The following ANK3 variants were observed in gnomAD, a reference collection of about 807,000 sequenced individuals.
ANK3 encodes the protein ankyrin 3.
In ANK3, 57 loss-of-function variants were observed where a neutral mutation model predicts 370.9. The ratio of observed to expected loss-of-function variants is 0.15; its 90% confidence interval spans 0.12 to 0.19. ANK3 has a LOEUF of 0.19. Ranked by LOEUF, ANK3 falls within the 10% of genes least tolerant of loss-of-function variation. ANK3 has a pLI of 1.00. For missense variants in ANK3, 4,439 were observed against 5,302.1 expected, an observed-to-expected ratio of 0.84 and a Z score of 5.06; for synonymous variants, 1,929 against 1,946.3, an observed-to-expected ratio of 0.99 and a Z score of 0.23.
At chr10:60,144,908 G>A (rs2094741285) in intron 23 of ANK3, among the ~76,000 whole-genome samples, 1 of 152,016 alleles carries the variant, frequency 6.6e-6, no homozygotes, top group Non-Finnish European at 1.5e-5. Context: ...ATAGTTATTG[G>A]CCTAATATTT....
chr10:60,692,629 C>A (rs959914083), intron 1 of ANK3, among the ~76,000 whole-genome samples: 6 of 152,118 alleles, frequency 3.9e-5, no homozygotes, highest in African/African-American at 1.4e-4. Context: ...GGTATAACAA[C>A]CACTGGGACT....
intron 7 of ANK3, among the ~76,000 whole-genome samples, chr10:60,242,209 T>C (rs975266197): frequency 1.3e-5 from 2 of 152,160 alleles, no homozygotes; most frequent in Non-Finnish European, 2.9e-5. Context: ...TTAGAAAAGA[T>C]TTTGCCTTCT....
chr10:60,674,042 G>A (rs1055516580), intron 1 of ANK3, among the ~76,000 whole-genome samples: 12 of 152,050 alleles, frequency 7.9e-5, no homozygotes, highest in Non-Finnish European at 1.6e-4. Flanking sequence ...TAAATGTTTA[G>A]TAGCCTTCCT....
At chr10:60,345,209 T>C (rs958566854) in intron 1 of ANK3, among the ~76,000 whole-genome samples, 6 of 152,326 alleles carry the variant, frequency 3.9e-5, no homozygotes, top group Admixed American at 2.6e-4. Flanking sequence ...ATTAACATTT[T>C]GAAAATAAGC....
At chr10:60,089,484 T>A (rs2132031359) in intron 28 of ANK3, among the ~76,000 whole-genome samples, 1 of 150,688 alleles carries the variant, frequency 6.6e-6, no homozygotes, top group Non-Finnish European at 1.5e-5. Flanking sequence ...TGTGTGTGTG[T>A]GTGTGTGTGT....
rs2083291048 is a variant in ANK3 at position 60,074,049 on chromosome 10, T to G, written c.6832A>C (p.Lys2278Gln). ...EETMSVHDIMKAFQSGRDPSK... is the reference protein window; with the variant it reads ...EETMSVHDIMQAFQSGRDPSK... The stretch of plus-strand genomic sequence containing the variant: ...GGATCCCGCCCGGACTGAAAGGCCT[T>G]CATGATGTCATGGACTGACATGGTT... The change falls in exon 37 of 44, where the codon AAG becomes CAG. Residue 2278 changes from lysine to glutamine, a missense_variant. Coordinates refer to ENST00000280772, the MANE Select transcript of ANK3 (RefSeq NM_020987.5). 1 of 1,614,102 alleles carries G rather than the reference T, an allele frequency of 6.2e-7. No individual in the cohort carries two copies. Among genetic ancestry groups the G allele is most frequent in the East Asian group, 2.2e-5 (1 of 44,854 alleles).
intron 37 of ANK3, 57 bp downstream of exon 37, chr10:60,068,580 C>G: frequency 6.6e-7 from 1 of 1,514,360 alleles, no homozygotes; most frequent in South Asian, 1.3e-5. Flanking sequence ...ACAAACTATG[C>G]TCGTTCTCCA....
At chr10:60,389,885 G>A (rs551924291), upstream of ANK3, 21 of 983,252 alleles carry the variant, frequency 2.1e-5, no homozygotes, top group Middle Eastern at 5.2e-4. Flanking sequence ...GTGATTCCTC[G>A]GAAGGGGGAA....
In ANK3 at chr10:60,070,861, G is replaced by A. The variant is rs750349884; in HGVS notation, c.10020C>T (p.Asp3340=). ...KKYTFKLKEV[D]DEQKEKPKAS... ...CTTTGGGTTTTTCTTTTTGTTCATC[G>A]TCCACTTCCTTTAATTTGAAGGTAT... is the stretch of plus-strand genomic sequence containing the variant. Residue 3340 remains aspartate (D), a synonymous_variant, in exon 37 of 44, where the codon GAC becomes GAT. Coordinates refer to ENST00000280772, the MANE Select transcript of ANK3 (RefSeq NM_020987.5). This position sits in a 1 kb window ranked among gnomAD's most constrained non-coding sequence, Gnocchi z 5.7. 82 of 1,613,842 alleles carry A rather than the reference G, an allele frequency of 5.1e-5. No individual in the cohort carries two copies. Among genetic ancestry groups the A allele is most frequent in the Non-Finnish European group, 5.6e-5 (66 of 1,180,000 alleles).
chr10:60,153,607 T>G (rs902068542), intron 23 of ANK3, among the ~76,000 whole-genome samples: 7 of 152,140 alleles, frequency 4.6e-5, no homozygotes, highest in African/African-American at 1.7e-4. Flanking sequence ...AGAACCTAAA[T>G]GAAAATGTAC....
Position 60,359,178 on chromosome 10 carries a change from T to C in ANK3, c.114+30247A>G, listed in dbSNP as rs2058241061. Among the ~76,000 whole-genome samples the C allele has an allele frequency of 2.0e-5, 3 of 152,088 alleles. No individual in the cohort carries two copies. In the South Asian group the frequency reaches 6.2e-4, roughly 32 times the overall value. ...TGCTCAAGGAATGCCTGATGTCTGC[T>C]TGCATGCCATGTCTACATACATGGT... On this transcript the variant is annotated intron_variant, in intron 1 of 43. Transcript: ENST00000280772.
At chr10:60,639,233 T>C (rs2078596159) in intron 1 of ANK3, among the ~76,000 whole-genome samples, 1 of 151,406 alleles carries the variant, frequency 6.6e-6, no homozygotes, top group African/African-American at 2.4e-5. Flanking sequence ...TTCAAAGTTC[T>C]GAAAGAAGAG....
intron 8 of ANK3, among the ~76,000 whole-genome samples, chr10:60,214,371 CT>C (rs1177733357): frequency 6.6e-6 from 1 of 151,778 alleles, no homozygotes; most frequent in Non-Finnish European, 1.5e-5. Context: ...CTTTTTTTGT[CT>C]TTAAAATCTT....
chr10:60,428,229 CA>C (rs2063933203), intron 2 of ANK3, among the ~76,000 whole-genome samples: 1 of 152,158 alleles, frequency 6.6e-6, no homozygotes, highest in Admixed American at 6.5e-5. Flanking sequence ...ACATGAAGTT[CA>C]AACAATGAGG....
chr10:60,701,321 A>C (rs922371842), intron 1 of ANK3, among the ~76,000 whole-genome samples: 1 of 152,182 alleles, frequency 6.6e-6, no homozygotes, highest in East Asian at 1.9e-4. Context: ...AATGAAAGGG[A>C]ATTTGGCAAT....
At chr10:60,371,585 A>C (rs2060119586) in intron 1 of ANK3, among the ~76,000 whole-genome samples, 1 of 152,202 alleles carries the variant, frequency 6.6e-6, no homozygotes, top group Non-Finnish European at 1.5e-5. Context: ...CACTACAACA[A>C]ATACTCAAAT....
chr10:60,075,420 T>C lies in ANK3; in HGVS notation c.5461A>G (p.Thr1821Ala), dbSNP rs1363066240. Residue 1821 changes from threonine to alanine, a missense_variant, in exon 37 of 44, where the codon ACA (threonine) becomes GCA (alanine). Thr to Ala is a moderately conservative substitution (Grantham distance 58). Coordinates refer to ENST00000280772, the MANE Select transcript of ANK3 (RefSeq NM_020987.5). Reference sequence around the variant, plus strand: ...TTGACTACAGAGTATACTGGCACTGTTATAATTGATGAAGTTACAGATGAG... The same window carrying C: ...TTGACTACAGAGTATACTGGCACTGCTATAATTGATGAAGTTACAGATGAG... ...TTSSVTSSII[T>A]VPVYSVVNVL... 1.2e-6 allele frequency: 2 copies of C among 1,613,488 alleles called. No homozygotes were observed. Among genetic ancestry groups the C allele is most frequent in the East Asian group, 2.2e-5 (1 of 44,890 alleles).
At chr10:60,306,109 G>A (rs1193699019) in intron 1 of ANK3, among the ~76,000 whole-genome samples, 2 of 151,760 alleles carry the variant, frequency 1.3e-5, no homozygotes, top group South Asian at 2.1e-4. Context: ...TGGTTACATT[G>A]ATAAGCTATT....
upstream of ANK3, among the ~76,000 whole-genome samples, chr10:60,393,339 T>C (rs1348457741): frequency 3.3e-5 from 5 of 152,218 alleles, no homozygotes; most frequent in Admixed American, 6.5e-5. Flanking sequence ...CTAGAAGTTA[T>C]GTCAAAAAAG....
Sources: gnomAD v4.1 joint callset for allele counts (sites outside exome capture counted in the v4.1 genomes callset) on GRCh38, gnomAD v4.1.1 for gene constraint, Gnocchi (gnomAD v3.1) non-coding constraint, MANE v1.5 for transcripts, NCBI Gene and HGNC (gene_info 2026-07-23, HGNC 2026-07-21) for gene names.